ANO4: variants seen among roughly 807,000 people sequenced by gnomAD.
ANO4 encodes the protein anoctamin 4, also known as anoctamin-4.
ANO4 carries 69 observed loss-of-function variants against 141.9 expected under a neutral mutation model. The observed-to-expected ratio is 0.49, with a 90% CI of 0.40 to 0.59. The LOEUF (loss-of-function observed/expected upper bound fraction) is 0.59. ANO4 is among the 20% of genes least tolerant of loss of function. ANO4 has a pLI of 0.00. For synonymous variants in ANO4, 350 were observed against 394.3 expected, an observed-to-expected ratio of 0.89 and a Z score of 1.33; for missense variants, 894 against 1,162.2, an observed-to-expected ratio of 0.77 and a Z score of 3.36.
intron 2 of ANO4, among the ~76,000 whole-genome samples, chr12:100,905,252 A>C (rs965143220): frequency 6.6e-6 from 1 of 152,192 alleles, no homozygotes; most frequent in Non-Finnish European, 1.5e-5. Context: ...GTGCTATTTA[A>C]AGAAATGAGA....
rs2373382 is a variant in ANO4, at chr12:100,815,745, A to G, written c.-141+20718A>G. On this transcript the variant is annotated intron_variant, in intron 1 of 27. Transcript: ENST00000392977. Reference sequence around the variant, plus strand: ...TATTTTTTATTTAGCAAATAACTTTACATATATATGTGTGTGTGTGTGTGT... The same window carrying G: ...TATTTTTTATTTAGCAAATAACTTTGCATATATATGTGTGTGTGTGTGTGT... 5.7e-4 allele frequency among the ~76,000 whole-genome samples: 82 copies of G among 143,236 alleles called. No homozygotes were observed. The South Asian group carries it at 0.017, about 30-fold the overall frequency. The allele number at this position is 143,236 out of a possible 152,430, so 94.0% of individuals were successfully genotyped here.
intron 7 of ANO4, among the ~76,000 whole-genome samples, chr12:100,984,577 AGATGATAAT>A (rs1162195358): frequency 7.2e-5 from 11 of 152,332 alleles, no homozygotes; most frequent in African/African-American, 9.6e-5. Context: ...AAGGTCAGTA[AGATGATAAT>A]GATGATAATG....
intron 2 of ANO4, among the ~76,000 whole-genome samples, chr12:100,911,758 A>G (rs1007092891): frequency 1.3e-5 from 2 of 152,168 alleles, no homozygotes; most frequent in Admixed American, 6.5e-5. Flanking sequence ...GGAGAGGATT[A>G]TTAAGGAGAG....
At chr12:100,846,717 G>T (rs4764625) in intron 1 of ANO4, among the ~76,000 whole-genome samples, 126,004 of 152,120 alleles carry the variant, frequency 0.83, 52,216 homozygotes, top group Admixed American at 0.87. Flanking sequence ...ACTGTGCATA[G>T]GTATCCCCTG....
chr12:101,063,864 T>G (rs1317133736), intron 14 of ANO4, among the ~76,000 whole-genome samples: 1 of 150,686 alleles, frequency 6.6e-6, no homozygotes, highest in Non-Finnish European at 1.5e-5. Context: ...CTATAGGATG[T>G]GTTATGATAT....
At chr12:100,888,805 A>T (rs2039964705) in intron 1 of ANO4, among the ~76,000 whole-genome samples, 1 of 151,396 alleles carries the variant, frequency 6.6e-6, no homozygotes, top group Admixed American at 6.6e-5. Context: ...GGAAATGAAC[A>T]CCTTGGAAAT....
At chr12:100,824,132 T>C (rs2036204364) in intron 1 of ANO4, among the ~76,000 whole-genome samples, 3 of 151,982 alleles carry the variant, frequency 2.0e-5, no homozygotes, top group African/African-American at 7.2e-5. Context: ...TTGTGCAACT[T>C]GGAGTTTTGA....
intron 1 of ANO4, among the ~76,000 whole-genome samples, chr12:100,857,984 G>A (rs1233901325): frequency 6.6e-6 from 1 of 152,176 alleles, no homozygotes; most frequent in Non-Finnish European, 1.5e-5. Context: ...TTCCTCAGCA[G>A]AGATATATGT....
intron 13 of ANO4, 150 bp from the exon 14 acceptor site, chr12:101,048,191 T>A (rs2047707446): frequency 1.9e-6 from 2 of 1,027,854 alleles, no homozygotes; most frequent in African/African-American, 3.2e-5. Context: ...CTTTTCTTAT[T>A]TATGGTTCAA....
At chr12:100,914,010 TCTC>T (rs1189643150) in intron 2 of ANO4, among the ~76,000 whole-genome samples, 1 of 152,204 alleles carries the variant, frequency 6.6e-6, no homozygotes, top group Non-Finnish European at 1.5e-5. Context: ...GTTTGTCTCT[TCTC>T]CTCATCTGCA....
intron 1 of ANO4, among the ~76,000 whole-genome samples, chr12:100,823,492 G>A (rs1180951661): frequency 1.3e-5 from 2 of 151,776 alleles, no homozygotes; most frequent in African/African-American, 2.4e-5. Flanking sequence ...TTGCATACAA[G>A]CGAGTTGGGA....
intron 14 of ANO4, among the ~76,000 whole-genome samples, chr12:101,065,268 G>A (rs536088132): frequency 1.3e-5 from 2 of 151,986 alleles, no homozygotes; most frequent in South Asian, 2.1e-4. Flanking sequence ...ATAAGGTTCA[G>A]TAGTATCTGT....
intron 5 of ANO4, among the ~76,000 whole-genome samples, chr12:100,956,907 A>G (rs184827024): frequency 7.0e-4 from 107 of 152,278 alleles, no homozygotes; most frequent in African/African-American, 2.4e-3. Flanking sequence ...TTAAGTACTG[A>G]ATTTTAGTTT....
intron 2 of ANO4, among the ~76,000 whole-genome samples, chr12:100,917,692 G>A (rs1447417622): frequency 2.0e-5 from 3 of 152,020 alleles, no homozygotes; most frequent in Admixed American, 1.3e-4. Context: ...CTTAATGAAC[G>A]GCTTATTGTC....
intron 3 of ANO4, among the ~76,000 whole-genome samples, chr12:100,936,989 A>G (rs935075390): frequency 6.6e-6 from 1 of 152,218 alleles, no homozygotes; most frequent in African/African-American, 2.4e-5. Flanking sequence ...TATTGTTCAA[A>G]TATCATCAAC....
intron 1 of ANO4, among the ~76,000 whole-genome samples, chr12:100,881,489 A>G (rs2135957726): frequency 6.6e-6 from 1 of 151,496 alleles, no homozygotes; most frequent in South Asian, 2.1e-4. Flanking sequence ...ACTATTGGAT[A>G]ACAAATAAGC....
At chr12:101,007,024 G>C (rs2045899606) in intron 8 of ANO4, among the ~76,000 whole-genome samples, 1 of 152,198 alleles carries the variant, frequency 6.6e-6, no homozygotes. Flanking sequence ...CTGGGGGCCT[G>C]TTTGAACCAT....
chr12:100,862,826 A>G (rs1283986596), intron 1 of ANO4, among the ~76,000 whole-genome samples: 2 of 152,282 alleles, frequency 1.3e-5, no homozygotes, highest in African/African-American at 2.4e-5. Flanking sequence ...TCACCATCAT[A>G]TATGTTGTCC....
chr12:101,117,288 TTCTC>T (rs1408117039), intron 25 of ANO4, among the ~76,000 whole-genome samples: 1 of 152,222 alleles, frequency 6.6e-6, no homozygotes, highest in African/African-American at 2.4e-5. Flanking sequence ...CATGTGCTCA[TTCTC>T]TCTTTCTTTC....
Sources: gnomAD v4.1 joint callset for allele counts (sites outside exome capture counted in the v4.1 genomes callset) on GRCh38, gnomAD v4.1.1 for gene constraint, MANE v1.5 for transcripts, NCBI Gene and HGNC (gene_info 2026-07-23, HGNC 2026-07-21) for gene names.